ZNF563: variants seen among roughly 807,000 people sequenced by gnomAD.
ZNF563 encodes the protein zinc finger protein 563.
Under a neutral mutation model 48.5 loss-of-function variants are expected in ZNF563, and 39 were observed. That is an observed-to-expected ratio of 0.80 (90% CI 0.62 to 1.05). ZNF563 has a LOEUF of 1.05. ZNF563 is among the 50% of genes least tolerant of loss of function. The pLI is 0.00. For missense variants in ZNF563, 538 were observed against 597.0 expected, an observed-to-expected ratio of 0.90 and a Z score of 1.03; for synonymous variants, 168 against 187.9, an observed-to-expected ratio of 0.89 and a Z score of 0.87.
chr19:12,339,469 G>A, the ZNF563 span, among the ~76,000 whole-genome samples: 7,990 of 151,588 alleles, frequency 0.053, 700 homozygotes, highest in African/African-American at 0.18. Flanking sequence ...TAGTAGAGGC[G>A]GGGTTTTACC....
the ZNF563 span, chr19:12,346,960 T>C: frequency 2.0e-5 from 3 of 152,180 alleles, no homozygotes; most frequent in Non-Finnish European, 4.4e-5. Context: ...GGTAATTACA[T>C]GTATGGAACA....
rs770751779 is a variant in ZNF563 at position 12,319,402 on chromosome 19, C to A, written c.623G>T (p.Trp208Leu). The change falls in exon 4 of 4, where the codon TGG becomes TTG. Residue 208 changes from tryptophan to leucine, a missense_variant. By Grantham distance (61) the Trp-to-Leu change is moderately conservative. Coordinates refer to ENST00000293725, the MANE Select transcript of ZNF563 (RefSeq NM_145276.3). The stretch of plus-strand genomic sequence containing the variant: ...TTCATGCATACGTAATAAACTGGGC[C>A]AAAAAAAAGCTTTCCCACACAACTT... ...KCKLCGKAFF[W>L]PSLLRMHERT... 1 of 1,613,562 alleles carries A rather than the reference C, an allele frequency of 6.2e-7. No individual in the cohort carries two copies. Among genetic ancestry groups the A allele is most frequent in the Non-Finnish European group, 8.5e-7 (1 of 1,179,840 alleles).
At position 12,322,687 on chromosome 19, in the gene ZNF563, C is replaced by T; in HGVS notation, c.28G>A (p.Ala10Thr). 1.9e-6 allele frequency: 3 copies of T among 1,607,768 alleles called. No individual in the cohort carries two copies. The change falls in exon 2 of 4, where the codon GCT becomes ACT. Residue 10 changes from alanine (A) to threonine (T), a missense_variant. Transcript: ENST00000293725. Reference protein sequence around the residue: MDAVAFEDVAVNFTQEEWAL... With the variant: MDAVAFEDVTVNFTQEEWAL... ...CATTCCTCCTGGGTGAAGTTCACAG[C>T]CACATCCTCAAAGGCCACTGCGTCC... is the stretch of plus-strand genomic sequence containing the variant.
chr19:12,328,610 T>A (rs933148730), intron 1 of ZNF563, among the ~76,000 whole-genome samples: 11 of 151,814 alleles, frequency 7.2e-5, no homozygotes, highest in African/African-American at 2.7e-4. Flanking sequence ...CCGTGTCTAC[T>A]AAAAATACAA....
upstream of ZNF563, among the ~76,000 whole-genome samples, chr19:12,334,463 CT>C (rs1968994105): frequency 1.3e-5 from 2 of 152,124 alleles, no homozygotes; most frequent in African/African-American, 4.8e-5. Context: ...GACTGGGACA[CT>C]GAAGGATTTG....
upstream of ZNF563, chr19:12,333,831 C>A: frequency 3.0e-6 from 1 of 333,690 alleles, no homozygotes; most frequent in Non-Finnish European, 5.5e-6. Context: ...GCGGGATGAA[C>A]GAGTTCCAGG....
the ZNF563 span, among the ~76,000 whole-genome samples, chr19:12,338,971 G>C: frequency 6.6e-6 from 1 of 152,188 alleles, no homozygotes; most frequent in Non-Finnish European, 1.5e-5. Context: ...TCAACATTCA[G>C]CATAGGACCA....
chr19:12,328,919 GA>G (rs1274508287), intron 1 of ZNF563, among the ~76,000 whole-genome samples: 2 of 152,046 alleles, frequency 1.3e-5, no homozygotes, highest in African/African-American at 4.8e-5. Context: ...AGATGTCAAA[GA>G]AACTTGTCAC....
At chr19:12,321,588 A>T (rs1349533071) in intron 2 of ZNF563, among the ~76,000 whole-genome samples, 1 of 152,020 alleles carries the variant, frequency 6.6e-6, no homozygotes, top group Non-Finnish European at 1.5e-5. Flanking sequence ...GGGACTACAG[A>T]TGCGTGCCAC....
chr19:12,324,132 T>C (rs1211925248), intron 1 of ZNF563, among the ~76,000 whole-genome samples: 1 of 152,070 alleles, frequency 6.6e-6, no homozygotes, highest in African/African-American at 2.4e-5. Flanking sequence ...CCAGGGCAGA[T>C]GGACCATTTG....
At chr19:12,341,507 G>T in the ZNF563 span, among the ~76,000 whole-genome samples, 1 of 152,290 alleles carries the variant, frequency 6.6e-6, no homozygotes, top group South Asian at 2.1e-4. Flanking sequence ...TAGGTTGAAA[G>T]GGAGGGCATG....
chr19:12,337,387 A>G (rs958157929), upstream of ZNF563, among the ~76,000 whole-genome samples: 5 of 151,896 alleles, frequency 3.3e-5, no homozygotes, highest in African/African-American at 1.2e-4. Context: ...ATTTTTTTGT[A>G]AAGATAGGGT....
rs777318940 is a variant in ZNF563, at chr19:12,318,983, G to A, written c.1042C>T (p.Arg348Cys). The A allele has an allele frequency of 2.2e-5, 35 of 1,613,706 alleles. No homozygotes were observed. The Admixed American group carries it at 2.7e-4, about 12-fold the overall frequency. The part of the protein sequence containing the change: ...KCKICGKGFD[R>C]PSLVRYHERI... ...TCATGATATCGAACTAAACTGGGAC[G>A]ATCAAAGCCTTTCCCACATATCTTA... The change falls in exon 4 of 4, where the codon CGT becomes TGT. Residue 348 changes from arginine (R) to cysteine (C), a missense_variant. Transcript: ENST00000293725.
Position 12,318,348 on chromosome 19 carries a change from C to G in ZNF563, c.*246G>C, listed in dbSNP as rs117464412. ...AAGGCTTCCCTACATATTTTACACT[C>G]ACAGAGTTTTTCTGCTCTGTGAGTT... On this transcript the variant is annotated 3_prime_UTR_variant, in exon 4 of 4. Transcript: ENST00000293725. The G allele has an allele frequency of 1.7e-4, 89 of 528,846 alleles. 2 individuals are homozygous for G. In the East Asian group the frequency reaches 2.9e-3, roughly 18 times the overall value. 32.8% of individuals were successfully genotyped at this position (528,846 alleles called of 1,614,324 possible).
At chr19:12,337,207 C>CTT (rs111873635), upstream of ZNF563, among the ~76,000 whole-genome samples, 6,204 of 151,504 alleles carry the variant, frequency 0.041, 395 homozygotes, top group African/African-American at 0.14. Context: ...TAGCTTATTT[C>CTT]TCTCTTTTTT....
chr19:12,319,420 C>G lies in ZNF563; in HGVS notation c.605G>C (p.Cys202Ser), dbSNP rs1301804434. 1 of 1,614,242 alleles carries G rather than the reference C, an allele frequency of 6.2e-7. No individual in the cohort carries two copies. Residue 202 changes from cysteine (C) to serine (S), a missense_variant, in exon 4 of 4, where the codon TGT (cysteine) becomes TCT (serine). Physicochemically the swap from Cys to Ser is moderately radical, Grantham distance 112. Coordinates refer to ENST00000293725, the MANE Select transcript of ZNF563 (RefSeq NM_145276.3). ...GGNRPYKCKL[C>S]GKAFFWPSLL... ...ACTGGGCCAAAAAAAAGCTTTCCCACACAACTTACATTTATAAGGTCTATT... is the reference window on the plus strand; with the variant it reads ...ACTGGGCCAAAAAAAAGCTTTCCCAGACAACTTACATTTATAAGGTCTATT...
In ZNF563 at chr19:12,319,344, A is replaced by G. The variant is rs1968538168; in HGVS notation, c.681T>C (p.Cys227=). 1.2e-6 allele frequency: 2 copies of G among 1,613,942 alleles called. No homozygotes were observed. Among genetic ancestry groups the G allele is most frequent in the Non-Finnish European group, 1.7e-6 (2 of 1,180,016 alleles). Residue 227 remains cysteine, a synonymous_variant, in exon 4 of 4, where the codon TGT becomes TGC. Coordinates refer to ENST00000293725, the MANE Select transcript of ZNF563 (RefSeq NM_145276.3). ...AAGGAAAGGCTTTAGAACACTGCTT[A>G]CATTCATACGGTTTCTCTCCAGTGT... ...RTHTGEKPYE[C]KQCSKAFPFY...
At chr19:12,329,406 C>T (rs1968869647) in intron 1 of ZNF563, among the ~76,000 whole-genome samples, 1 of 147,112 alleles carries the variant, frequency 6.8e-6, no homozygotes, top group Non-Finnish European at 1.5e-5. Flanking sequence ...CCGGGAAGCG[C>T]AGGTTGCAGT....
At chr19:12,333,695 C>T, upstream of ZNF563, 2 of 623,326 alleles carry the variant, frequency 3.2e-6, no homozygotes, top group South Asian at 2.3e-5. Context: ...TGGCACCCTA[C>T]TGCCAGCCGT....
Sources: allele counts gnomAD v4.1 joint callset (sites outside exome capture counted in the v4.1 genomes callset), GRCh38; gene constraint gnomAD v4.1.1; transcripts MANE v1.5; gene names NCBI Gene and HGNC (gene_info 2026-07-23, HGNC 2026-07-21).